The following TLL1 variants were observed in gnomAD, a reference collection of about 807,000 sequenced individuals.
The protein encoded by TLL1 is tolloid like 1.
Under a neutral mutation model 128.2 loss-of-function variants are expected in TLL1, and 49 were observed. The observed-to-expected ratio is 0.38, with a 90% CI of 0.30 to 0.48. TLL1 has a LOEUF of 0.48. Ranked by LOEUF, TLL1 falls within the 20% of genes least tolerant of loss-of-function variation. The pLI is 0.96. For synonymous variants in TLL1, 454 were observed against 418.8 expected (o/e 1.08, Z -1.03); for missense variants, 1,123 against 1,242.0 (o/e 0.90, Z 1.44).
rs1267070645 is a variant in TLL1, at chr4:166,101,614, A to C, written c.*738A>C. ...AAACGCCCAGTGAATTGGTAAACTTAGTTCTTTTTTTTGGAAGTGCTGCCT... is the reference window on the plus strand; with the variant it reads ...AAACGCCCAGTGAATTGGTAAACTTCGTTCTTTTTTTTGGAAGTGCTGCCT... On this transcript the variant is annotated 3_prime_UTR_variant, in exon 21 of 21. Transcript: ENST00000061240. 2 of 152,566 alleles carry C rather than the reference A, an allele frequency of 1.3e-5. No individual in the cohort carries two copies. The highest frequency in any genetic ancestry group is 2.9e-5 in the Non-Finnish European group (2 of 68,052). 9.5% of individuals were successfully genotyped at this position (152,566 alleles called of 1,614,324 possible). A position where few individuals can be genotyped will look rare whatever the true frequency, so the allele number is the denominator to read the frequency against.
intron 15 of TLL1, among the ~76,000 whole-genome samples, chr4:166,060,928 C>T (rs922009653): frequency 6.6e-6 from 1 of 152,174 alleles, no homozygotes; most frequent in African/African-American, 2.4e-5. Context: ...TTTGTTTCGT[C>T]TTCTGTACGT....
chr4:165,873,857 T>A lies in TLL1; in HGVS notation c.-48T>A. On this transcript the variant is annotated 5_prime_UTR_variant, in exon 1 of 21. Coordinates refer to ENST00000061240, the MANE Select transcript of TLL1 (RefSeq NM_012464.5). ...CCCGCACATCAGCGCGGACCGCGGC[T>A]GCCTAACCTCTGGGTCCCGTCCCCT... 6.2e-7 allele frequency: 1 copy of A among 1,609,670 alleles called. No individual in the cohort carries two copies. The highest frequency in any genetic ancestry group is 8.5e-7 in the Non-Finnish European group (1 of 1,177,924).
intron 17 of TLL1, among the ~76,000 whole-genome samples, chr4:166,077,352 C>G (rs1741081923): frequency 6.6e-6 from 1 of 151,668 alleles, no homozygotes; most frequent in Non-Finnish European, 1.5e-5. Context: ...CTTCCATTTG[C>G]TTTGATAAAA....
chr4:165,989,335 T>C (rs1459747381), intron 1 of TLL1, 46 bp from the exon 2 acceptor site: 12 of 1,393,990 alleles, frequency 8.6e-6, no homozygotes, highest in Admixed American at 1.7e-5. Context: ...TGTGTATTGA[T>C]TTCACGGAAA....
At chr4:165,930,475 G>A (rs1733466487) in intron 1 of TLL1, among the ~76,000 whole-genome samples, 1 of 151,966 alleles carries the variant, frequency 6.6e-6, no homozygotes, top group Admixed American at 6.6e-5. Flanking sequence ...ATGTTTTAGA[G>A]CAGGGATAGC....
chr4:166,039,282 C>T (rs1180898202), intron 9 of TLL1, 57 bp from the exon 10 acceptor site: 1 of 1,225,216 alleles, frequency 8.2e-7, no homozygotes, highest in Non-Finnish European at 1.2e-6. Context: ...GGAATCAAAT[C>T]ACTATATGTA....
intron 1 of TLL1, among the ~76,000 whole-genome samples, chr4:165,902,282 A>G (rs1724703734): frequency 6.7e-6 from 1 of 148,482 alleles, no homozygotes; most frequent in Non-Finnish European, 1.5e-5. Flanking sequence ...TCCAGGTGCC[A>G]CCAGGTTATG....
chr4:166,015,615 G>T (rs188848962), intron 8 of TLL1, among the ~76,000 whole-genome samples: 3 of 151,964 alleles, frequency 2.0e-5, no homozygotes, highest in South Asian at 4.1e-4. Flanking sequence ...ATATGTACTC[G>T]TTGACATATG....
Position 166,030,819 on chromosome 4 carries a change from T to G in TLL1, c.1158+5388T>G, listed in dbSNP as rs935358990. ...TTGGTCCTGCCTATAGCTTACATTA[T>G]AGATTATTTTTTAAATTAGCGTTTT... On this transcript the variant is annotated intron_variant, in intron 9 of 20. Transcript: ENST00000061240. 8 of 1,027,532 alleles carry G rather than the reference T, an allele frequency of 7.8e-6. No homozygotes were observed. In the African/African-American group the frequency reaches 1.4e-4, roughly 17 times the overall value. The allele number at this position is 1,027,532 out of a possible 1,614,324, so 63.7% of individuals were successfully genotyped here. A position where few individuals can be genotyped will look rare whatever the true frequency, so the allele number is the denominator to read the frequency against.
chr4:165,983,870 A>G (rs1736273436), intron 1 of TLL1, among the ~76,000 whole-genome samples: 1 of 151,902 alleles, frequency 6.6e-6, no homozygotes, highest in Admixed American at 6.6e-5. Context: ...AAATCAGGTT[A>G]CCTAGATGCT....
chr4:166,066,748 C>A (rs180677020), intron 16 of TLL1, among the ~76,000 whole-genome samples: 1 of 151,728 alleles, frequency 6.6e-6, no homozygotes, highest in African/African-American at 2.4e-5. Flanking sequence ...AGTTCCAAGT[C>A]ATACAGAAAA....
rs562093212 is a variant in TLL1, at chr4:165,994,216, G to T, written c.362-165G>T. 2.9e-3 allele frequency among the ~76,000 whole-genome samples: 437 copies of T among 152,200 alleles called. 2 individuals are homozygous for T. The highest frequency in any genetic ancestry group is 9.7e-3 in the African/African-American group (404 of 41,536). The stretch of plus-strand genomic sequence containing the variant: ...AATACTTCAATATTTTAATGCTTTT[G>T]TTCAAGTATGTAATATAACTGAAGT... On this transcript the variant is annotated intron_variant, in intron 3 of 20. Coordinates refer to ENST00000061240, the MANE Select transcript of TLL1 (RefSeq NM_012464.5).
At chr4:166,039,266 C>A in intron 9 of TLL1, 73 bp from the exon 10 acceptor site, 2 of 1,039,112 alleles carry the variant, frequency 1.9e-6, no homozygotes, top group Non-Finnish European at 3.0e-6. Context: ...GGGTTCCTTA[C>A]CTTTAGGAAT....
rs1310444970 is a variant in TLL1, at chr4:166,014,750, C to G, written c.1042+190C>G. Among the ~76,000 whole-genome samples the G allele has an allele frequency of 2.5e-4, 38 of 151,876 alleles. 1 individual carries two copies. Among genetic ancestry groups the G allele is most frequent in the Admixed American group, 2.5e-3 (38 of 15,194 alleles). On this transcript the variant is annotated intron_variant, in intron 8 of 20. Transcript: ENST00000061240. Reference sequence around the variant, plus strand: ...AACACCTAATTGCTGTAAATAAAAACAAGTTGTTGAAATCAAAGTTCAAAC... The same window carrying G: ...AACACCTAATTGCTGTAAATAAAAAGAAGTTGTTGAAATCAAAGTTCAAAC...
At position 165,918,733 on chromosome 4, in the gene TLL1, T is replaced by C. The variant is rs1482114595; in HGVS notation, c.169+44660T>C. Among the ~76,000 whole-genome samples the C allele has an allele frequency of 5.9e-5, 9 of 152,272 alleles. 1 individual carries two copies. In the East Asian group the frequency reaches 1.7e-3, roughly 29 times the overall value. On this transcript the variant is annotated intron_variant, in intron 1 of 20. Coordinates refer to ENST00000061240, the MANE Select transcript of TLL1 (RefSeq NM_012464.5). ...TATCATTTTCATTTCCTCTAGTTTG[T>C]GTTTTTTATTTTGAGTTTGTGAGGG...
rs144687514 is a variant in TLL1, at chr4:166,102,036, C to A, written c.*1160C>A. The A allele has an allele frequency of 4.6e-5, 7 of 152,364 alleles. No homozygotes were observed. The highest frequency in any genetic ancestry group is 1.7e-4 in the African/African-American group (7 of 41,414). 9.4% of individuals were successfully genotyped at this position (152,364 alleles called of 1,614,324 possible). A position where few individuals can be genotyped will look rare whatever the true frequency, so the allele number is the denominator to read the frequency against. On this transcript the variant is annotated 3_prime_UTR_variant, in exon 21 of 21. Transcript: ENST00000061240. ...TTTGAGCCAACCCACCCGTAGACTA[C>A]GAATGTCTCCCTATGGCTGGTAGCA... is the stretch of plus-strand genomic sequence containing the variant.
chr4:166,091,909 A>G (rs1741793834), intron 19 of TLL1, among the ~76,000 whole-genome samples: 1 of 152,150 alleles, frequency 6.6e-6, no homozygotes, highest in Non-Finnish European at 1.5e-5. Context: ...AATCTTAAAG[A>G]AATAGAATTT....
At chr4:166,011,892 A>C (rs1475117451) in intron 7 of TLL1, among the ~76,000 whole-genome samples, 1 of 151,458 alleles carries the variant, frequency 6.6e-6, no homozygotes, top group Non-Finnish European at 1.5e-5. Context: ...ACATGATCAT[A>C]TGGTTTTTGT....
intron 8 of TLL1, 35 bp downstream of exon 8, chr4:166,014,595 A>G: frequency 6.2e-7 from 1 of 1,608,908 alleles, no homozygotes; most frequent in Non-Finnish European, 8.5e-7. Context: ...GCATGACTGT[A>G]CTTGATTGTG....
Sources: gnomAD v4.1 joint callset for allele counts (sites outside exome capture counted in the v4.1 genomes callset) on GRCh38, gnomAD v4.1.1 for gene constraint, MANE v1.5 for transcripts, NCBI Gene and HGNC (gene_info 2026-07-23, HGNC 2026-07-21) for gene names.